KLB: variants seen among roughly 807,000 people sequenced by gnomAD.
KLB encodes beta-klotho.
A neutral mutation model predicts 88.4 loss-of-function variants in KLB; 44 were observed. That is an observed-to-expected ratio of 0.50 (90% confidence interval 0.39 to 0.64). The LOEUF is 0.64. Ranked by LOEUF, KLB falls within the 30% of genes least tolerant of loss-of-function variation. KLB has a pLI of 0.00. For synonymous variants in KLB, 548 were observed against 513.4 expected (o/e 1.07, Z -0.91); for missense variants, 1,137 against 1,304.8 (o/e 0.87, Z 1.98).
chr4:39,449,587 G>C lies in KLB; in HGVS notation c.*901G>C, dbSNP rs994032265. On this transcript the variant is annotated 3_prime_UTR_variant, in exon 5 of 5. Transcript: ENST00000257408. ...TTCTAACAACAAAAAATCACCTATA[G>C]AATATCTAATTTGTGATCTTTTACT... The C allele has an allele frequency of 6.6e-6, 1 of 152,124 alleles. No individual in the cohort carries two copies. Among genetic ancestry groups the C allele is most frequent in the Admixed American group, 6.5e-5 (1 of 15,284 alleles). 9.4% of individuals were successfully genotyped at this position (152,124 alleles called of 1,614,324 possible).
At chr4:39,430,892 G>A (rs146645475) in intron 1 of KLB, among the ~76,000 whole-genome samples, 58 of 149,730 alleles carry the variant, frequency 3.9e-4, no homozygotes, top group African/African-American at 1.4e-3. Flanking sequence ...TTACAGGCAT[G>A]AGCCACTGCT....
Position 39,446,248 on chromosome 4 carries a change from C to T in KLB, c.1606-84C>T. ...CTGGCGTGGTGGCCTGTAATCCCAG[C>T]ACTTTGGGAGGCAGAGGTAGGCAGA... On this transcript the variant is annotated intron_variant, in intron 3 of 4. Transcript: ENST00000257408. The surrounding 1 kb of genome is among the most constrained non-coding windows in gnomAD (Gnocchi z 6.4). The T allele has an allele frequency of 2.3e-6, 3 of 1,293,808 alleles. No homozygotes were observed. The highest frequency in any genetic ancestry group is 1.5e-5 in the African/African-American group (1 of 68,616). 80.1% of individuals were successfully genotyped at this position (1,293,808 alleles called of 1,614,324 possible). A position where few individuals can be genotyped will look rare whatever the true frequency, so the allele number is the denominator to read the frequency against.
chr4:39,435,664 G>A (rs1743458505), intron 2 of KLB, among the ~76,000 whole-genome samples: 1 of 151,710 alleles, frequency 6.6e-6, no homozygotes, highest in Non-Finnish European at 1.5e-5. Flanking sequence ...GACCTCAGGT[G>A]ATCCACCTGC....
chr4:39,422,840 C>A (rs1025313445), intron 1 of KLB, among the ~76,000 whole-genome samples: 6 of 151,812 alleles, frequency 4.0e-5, no homozygotes, highest in Non-Finnish European at 8.8e-5. Flanking sequence ...TGGTTCACTG[C>A]AGCCTCCACC....
intron 1 of KLB, among the ~76,000 whole-genome samples, chr4:39,424,849 G>A (rs1455387549): frequency 1.1e-4 from 17 of 151,774 alleles, no homozygotes; most frequent in Admixed American, 7.2e-4. Flanking sequence ...GGCTGTTCTC[G>A]AATTCCTGAC....
At chr4:39,434,159 C>T (rs747201714) in intron 1 of KLB, 51 bp from the exon 2 acceptor site, 2 of 1,509,142 alleles carry the variant, frequency 1.3e-6, no homozygotes, top group Admixed American at 1.9e-5. Flanking sequence ...AGCCATGTTA[C>T]AGCCCTTGTA....
At position 39,447,424 on chromosome 4, in the gene KLB, G is replaced by T; in HGVS notation, c.2698G>T (p.Asp900Tyr). 1 of 1,611,028 alleles carries T rather than the reference G, an allele frequency of 6.2e-7. No homozygotes were observed. Among genetic ancestry groups the T allele is most frequent in the South Asian group, 1.1e-5 (1 of 90,492 alleles). ...CATCGACGACCAGGCTCTGGAGGAT[G>T]ACCGGCTCCGGAAGTACTACCTAGG... ...SGIDDQALED[D>Y]RLRKYYLGKY... The change falls in exon 4 of 5, where the codon GAC becomes TAC. Residue 900 changes from aspartate (D) to tyrosine (Y), a missense_variant. By Grantham distance (160) the Asp-to-Tyr change is radical. Coordinates refer to ENST00000257408, the MANE Select transcript of KLB (RefSeq NM_175737.4).
chr4:39,408,430 G>A (rs1400715415), intron 1 of KLB, among the ~76,000 whole-genome samples: 1 of 152,102 alleles, frequency 6.6e-6, no homozygotes, highest in African/African-American at 2.4e-5. Flanking sequence ...GTTGAGAAAT[G>A]TTAAAATTAG....
intron 1 of KLB, among the ~76,000 whole-genome samples, chr4:39,420,533 C>CT (rs1227139837): frequency 1.0e-3 from 157 of 151,110 alleles, no homozygotes; most frequent in African/African-American, 3.4e-3. Flanking sequence ...CCCTTGACTT[C>CT]TTTTTTTTTG....
intron 1 of KLB, among the ~76,000 whole-genome samples, chr4:39,411,301 A>G (rs183841949): frequency 0.01 from 1,482 of 146,254 alleles, 29 homozygotes; most frequent in African/African-American, 0.034. Flanking sequence ...CGGCCTCAAA[A>G]CTAAGGTTTT....
In KLB at chr4:39,449,016, A is replaced by G. The variant is rs116491942; in HGVS notation, c.*330A>G. 7 of 204,652 alleles carry G rather than the reference A, an allele frequency of 3.4e-5. No homozygotes were observed. The highest frequency in any genetic ancestry group is 5.9e-5 in the Non-Finnish European group (6 of 100,854). The allele number at this position is 204,652 out of a possible 1,614,324, so 12.7% of individuals were successfully genotyped here. On this transcript the variant is annotated 3_prime_UTR_variant, in exon 5 of 5. Coordinates refer to ENST00000257408, the MANE Select transcript of KLB (RefSeq NM_175737.4). ...ACCAATAGCTACTTGTGGTACAATAAATTATTTTTAAGAAGTAAAACTCTG... is the reference window on the plus strand; with the variant it reads ...ACCAATAGCTACTTGTGGTACAATAGATTATTTTTAAGAAGTAAAACTCTG...
intron 3 of KLB, among the ~76,000 whole-genome samples, chr4:39,445,877 G>T (rs1212392304): frequency 6.6e-6 from 1 of 152,036 alleles, no homozygotes; most frequent in South Asian, 2.1e-4. Context: ...AGGGGTCATT[G>T]CCTACCCCAC....
At chr4:39,428,516 A>G (rs1743270435) in intron 1 of KLB, among the ~76,000 whole-genome samples, 1 of 152,164 alleles carries the variant, frequency 6.6e-6, no homozygotes, top group Non-Finnish European at 1.5e-5. Flanking sequence ...ATTAAAGGTT[A>G]TATGCCCAAA....
intron 1 of KLB, among the ~76,000 whole-genome samples, chr4:39,424,428 C>T (rs1228254851): frequency 2.0e-5 from 3 of 151,494 alleles, no homozygotes. Context: ...AGGGAATTTG[C>T]AAGAACTGCT....
chr4:39,448,736 A>T lies in KLB; in HGVS notation c.*50A>T. ...GTTTAAAAATTCATCCCAGTTCCAT[A>T]TGCTGGTAACTTACAGGAGATATAC... On this transcript the variant is annotated 3_prime_UTR_variant, in exon 5 of 5. Transcript: ENST00000257408. 6.5e-7 allele frequency: 1 copy of T among 1,532,052 alleles called. No homozygotes were observed. Among genetic ancestry groups the T allele is most frequent in the South Asian group, 1.2e-5 (1 of 82,160 alleles). The allele number at this position is 1,532,052 out of a possible 1,614,324, so 94.9% of individuals were successfully genotyped here.
Position 39,448,426 on chromosome 4 carries a change from A to G in KLB, c.2875A>G (p.Asn959Asp). 6.2e-7 allele frequency: 1 copy of G among 1,614,204 alleles called. No homozygotes were observed. Among genetic ancestry groups the G allele is most frequent in the Middle Eastern group, 1.7e-4 (1 of 6,060 alleles). ...AGCTAAATCCTCAATACAATTTTAC[A>G]ACAAAGTGATCAGCAGCAGGGGCTT... ...FKAKSSIQFY[N>D]KVISSRGFPF... The change falls in exon 5 of 5, where the codon AAC becomes GAC. Residue 959 changes from asparagine (N) to aspartate (D), a missense_variant. This residue lies in a region of KLB where 426 missense variants were observed against 404.6 expected (regional missense o/e 1.05). Transcript: ENST00000257408.
At chr4:39,427,403 A>T (rs2109830326) in intron 1 of KLB, among the ~76,000 whole-genome samples, 1 of 151,048 alleles carries the variant, frequency 6.6e-6, no homozygotes, top group African/African-American at 2.4e-5. Context: ...GAATCACTTT[A>T]ACCCAGGAGG....
Position 39,449,397 on chromosome 4 carries a change from C to T in KLB, c.*711C>T, listed in dbSNP as rs1035904413. Reference sequence around the variant, plus strand: ...CAGAGATTTAACACCCTTCTTTAAACTGGGTAGTCAGTGATAGATAATATA... The same window carrying T: ...CAGAGATTTAACACCCTTCTTTAAATTGGGTAGTCAGTGATAGATAATATA... On this transcript the variant is annotated 3_prime_UTR_variant, in exon 5 of 5. Transcript: ENST00000257408. The T allele has an allele frequency of 6.6e-6, 1 of 150,902 alleles. No individual in the cohort carries two copies. Among genetic ancestry groups the T allele is most frequent in the South Asian group, 2.1e-4 (1 of 4,774 alleles). 9.3% of individuals were successfully genotyped at this position (150,902 alleles called of 1,614,324 possible). A position where few individuals can be genotyped will look rare whatever the true frequency, so the allele number is the denominator to read the frequency against.
At chr4:39,420,410 G>C (rs1473778454) in intron 1 of KLB, among the ~76,000 whole-genome samples, 2 of 152,132 alleles carry the variant, frequency 1.3e-5, no homozygotes, top group African/African-American at 4.8e-5. Context: ...CAGAGTAGCT[G>C]AACTTTACAT....
Sources: allele counts gnomAD v4.1 joint callset (sites outside exome capture counted in the v4.1 genomes callset), GRCh38; gene constraint gnomAD v4.1.1; regional missense constraint gnomAD v4.1.1; non-coding constraint Gnocchi (gnomAD v3.1); transcripts MANE v1.5; gene names NCBI Gene and HGNC (gene_info 2026-07-23, HGNC 2026-07-21).